TNS3: variants seen among roughly 807,000 people sequenced by gnomAD.
The protein encoded by TNS3 is tensin-3.
A neutral mutation model predicts 140.9 loss-of-function variants in TNS3; 45 were observed. The observed-to-expected ratio is 0.32, with a 90% confidence interval of 0.25 to 0.41. The LOEUF is 0.41. Among genes scored for constraint, TNS3 ranks in the 10% least tolerant of loss-of-function variants. The pLI is 1.00. For missense variants in TNS3, 1,716 were observed against 1,906.7 expected, an observed-to-expected ratio of 0.90 and a Z score of 1.86; for synonymous variants, 815 against 788.4, an observed-to-expected ratio of 1.03 and a Z score of -0.56.
At chr7:47,430,912 G>A (rs1389847662) in intron 8 of TNS3, among the ~76,000 whole-genome samples, 12 of 151,846 alleles carry the variant, frequency 7.9e-5, no homozygotes, top group African/African-American at 2.9e-4. Context: ...TAGTAGAGAC[G>A]GAGTTTTGCC....
chr7:47,335,089 T>C (rs1300703355), intron 20 of TNS3, among the ~76,000 whole-genome samples: 2 of 152,244 alleles, frequency 1.3e-5, no homozygotes, highest in African/African-American at 2.4e-5. Context: ...GTTACATTTT[T>C]ACAAATATTT....
At chr7:47,545,141 ATTTT>A (rs34499360) in intron 1 of TNS3, among the ~76,000 whole-genome samples, 2 of 121,960 alleles carry the variant, frequency 1.6e-5, no homozygotes, top group African/African-American at 3.1e-5. Flanking sequence ...GTAAGAGGGC[ATTTT>A]TTTTTTTTTT....
intron 20 of TNS3, among the ~76,000 whole-genome samples, chr7:47,340,585 C>CTTTTTTTTTTTTTTTTTTTTTTTTTT (rs774726583): frequency 2.2e-5 from 3 of 134,870 alleles, no homozygotes; most frequent in African/African-American, 8.3e-5. Flanking sequence ...TCTTTTTTTT[C>CTTTTTTTTTTTTTTTTTTTTTTTTTT]TTTTTTTTTT....
At chr7:47,321,385 G>T (rs1787727339) in intron 20 of TNS3, among the ~76,000 whole-genome samples, 1 of 152,068 alleles carries the variant, frequency 6.6e-6, no homozygotes, top group Admixed American at 6.5e-5. Flanking sequence ...CTGGCTTCTG[G>T]ACCCCGAAGG....
Position 47,303,542 on chromosome 7 carries a change from CT to C in TNS3, c.2864del (p.Lys955SerfsTer50). 1 of 1,603,352 alleles carries C rather than the reference CT, an allele frequency of 6.2e-7. No individual in the cohort carries two copies. Among genetic ancestry groups the C allele is most frequent in the South Asian group, 1.1e-5 (1 of 90,286 alleles). On this transcript the variant is annotated frameshift_variant, in exon 22 of 31. Transcript: ENST00000311160. LOFTEE classifies it high-confidence loss of function. The part of the protein sequence containing the change: ...AERQWVESSP[K>X]PMVSLLGSGR... ...CGCTCCCCAGCAGGGAAACCATGGG[CT>C]TGGGGCTGCTCTCCACCCACTGGCG...
intron 21 of TNS3, 40 bp from the exon 22 acceptor site, chr7:47,303,624 A>G (rs1786560695): frequency 6.6e-7 from 1 of 1,525,220 alleles, no homozygotes; most frequent in Non-Finnish European, 8.8e-7. Flanking sequence ...CATGTAAGGT[A>G]CAAAGAGACA....
intron 20 of TNS3, among the ~76,000 whole-genome samples, chr7:47,344,006 C>A (rs769029825): frequency 1.3e-5 from 2 of 152,110 alleles, no homozygotes; most frequent in African/African-American, 2.4e-5. Context: ...TCTCAGGTAA[C>A]GTGCCTAATA....
intron 17 of TNS3, among the ~76,000 whole-genome samples, chr7:47,364,125 A>G (rs970732269): frequency 6.6e-6 from 1 of 152,092 alleles, no homozygotes; most frequent in African/African-American, 2.4e-5. Flanking sequence ...GCCGCTTGCC[A>G]AAGTAGCCAT....
chr7:47,444,675 A>AC (rs1303757793), intron 4 of TNS3, among the ~76,000 whole-genome samples: 2 of 144,534 alleles, frequency 1.4e-5, no homozygotes, highest in African/African-American at 4.9e-5. Context: ...GGTCAGACAG[A>AC]CCCACGGGAT....
At chr7:47,358,698 A>G (rs1790146936) in intron 17 of TNS3, among the ~76,000 whole-genome samples, 1 of 152,202 alleles carries the variant, frequency 6.6e-6, no homozygotes, top group African/African-American at 2.4e-5. Flanking sequence ...CATGAGGCCC[A>G]TGTCAAGCCA....
intron 8 of TNS3, among the ~76,000 whole-genome samples, chr7:47,431,013 G>A (rs796999043): frequency 1.8e-4 from 28 of 152,172 alleles, no homozygotes; most frequent in African/African-American, 6.3e-4. Context: ...ATGAGCCACC[G>A]CGCCTGGCCT....
At position 47,447,990 on chromosome 7, in the gene TNS3, G is replaced by C. The variant is rs73695333; in HGVS notation, c.-75-5935C>G. On this transcript the variant is annotated intron_variant, in intron 4 of 30. Transcript: ENST00000311160. ...GAAGAGCCAAGCACATCCACCTAAA[G>C]AAGGCAGAGAAGACAGCAGGAGGCT... is the stretch of plus-strand genomic sequence containing the variant. 4.0e-3 allele frequency among the ~76,000 whole-genome samples: 606 copies of C among 152,342 alleles called. 3 individuals are homozygous for C. Among genetic ancestry groups the C allele is most frequent in the African/African-American group, 0.014 (574 of 41,576 alleles).
At chr7:47,303,683 G>C (rs762894444) in intron 21 of TNS3, 99 bp from the exon 22 acceptor site, 510 of 1,415,292 alleles carry the variant, frequency 3.6e-4, no homozygotes, top group Non-Finnish European at 4.4e-4. Context: ...GGATGGGGAA[G>C]TGGGTGCTGA....
chr7:47,516,066 T>C (rs1289943641), intron 2 of TNS3, among the ~76,000 whole-genome samples: 1 of 152,232 alleles, frequency 6.6e-6, no homozygotes, highest in African/African-American at 2.4e-5. Context: ...ACATAATCTA[T>C]GTAAAGGGAA....
chr7:47,344,142 C>G (rs971947724), intron 20 of TNS3, among the ~76,000 whole-genome samples: 1 of 152,198 alleles, frequency 6.6e-6, no homozygotes, highest in Non-Finnish European at 1.5e-5. Flanking sequence ...TGCCTGAGCT[C>G]GGCCTTGTCC....
At chr7:47,306,705 G>C (rs944365746) in intron 20 of TNS3, among the ~76,000 whole-genome samples, 1 of 152,072 alleles carries the variant, frequency 6.6e-6, no homozygotes, top group African/African-American at 2.4e-5. Context: ...CTCCCGAGTA[G>C]CTGGGACTGC....
intron 1 of TNS3, chr7:47,579,861 C>T: frequency 1.0e-6 from 1 of 985,440 alleles, no homozygotes; most frequent in African/African-American, 1.7e-5. Flanking sequence ...ACTGCCTCCT[C>T]CTCAGGTCTC....
intron 1 of TNS3, among the ~76,000 whole-genome samples, chr7:47,574,249 T>A (rs1035589999): frequency 2.0e-5 from 3 of 152,214 alleles, no homozygotes; most frequent in Non-Finnish European, 4.4e-5. Context: ...GCTCTTTTTT[T>A]TTTAAATGAA....
At chr7:47,279,816 C>G (rs1785047648) in intron 30 of TNS3, 1 of 341,748 alleles carries the variant, frequency 2.9e-6, no homozygotes. Context: ...ATCCACACAC[C>G]TGCACAAAGG....
Sources: allele counts gnomAD v4.1 joint callset (sites outside exome capture counted in the v4.1 genomes callset), GRCh38; gene constraint gnomAD v4.1.1; transcripts MANE v1.5; gene names NCBI Gene and HGNC (gene_info 2026-07-23, HGNC 2026-07-21).